PTPRE: variants seen among roughly 807,000 people sequenced by gnomAD.
PTPRE encodes the protein receptor-type tyrosine-protein phosphatase epsilon.
PTPRE carries 51 observed loss-of-function variants against 102.0 expected under a neutral mutation model. The observed-to-expected ratio is 0.50, with a 90% CI of 0.40 to 0.63. The LOEUF is 0.63. PTPRE is among the 30% of genes least tolerant of loss of function. The pLI, the probability that PTPRE is intolerant of heterozygous loss-of-function variation, is 0.00. For missense variants in PTPRE, 752 were observed against 915.1 expected, an observed-to-expected ratio of 0.82 and a Z score of 2.30; for synonymous variants, 345 against 348.2, an observed-to-expected ratio of 0.99 and a Z score of 0.10.
chr10:127,907,319 C>G lies in PTPRE; in HGVS notation c.-31+10C>G, dbSNP rs1845542483. The stretch of plus-strand genomic sequence containing the variant: ...GACCGGCCCCCCCGAGGTGAGCGCG[C>G]GTGCGGACAGGGACCCTGCGCCCCT... On this transcript the variant is annotated intron_variant, in intron 1 of 20. Coordinates refer to ENST00000254667, the MANE Select transcript of PTPRE (RefSeq NM_006504.6). This position sits in a 1 kb window ranked among gnomAD's most constrained non-coding sequence, Gnocchi z 4.8. 6 of 984,574 alleles carry G rather than the reference C, an allele frequency of 6.1e-6. No individual in the cohort carries two copies. The highest frequency in any genetic ancestry group is 7.2e-6 in the Non-Finnish European group (6 of 829,718). 61.0% of individuals were successfully genotyped at this position (984,574 alleles called of 1,614,324 possible). A position where few individuals can be genotyped will look rare whatever the true frequency, so the allele number is the denominator to read the frequency against.
At chr10:127,910,856 C>T (rs1356709042) in intron 1 of PTPRE, among the ~76,000 whole-genome samples, 3 of 152,004 alleles carry the variant, frequency 2.0e-5, no homozygotes, top group African/African-American at 4.8e-5. Context: ...GGCTGAAGCA[C>T]GCAGATCACT....
intron 2 of PTPRE, among the ~76,000 whole-genome samples, chr10:128,031,373 G>A (rs1055141616): frequency 8.5e-5 from 13 of 152,216 alleles, no homozygotes; most frequent in African/African-American, 2.2e-4. Flanking sequence ...CCTCAGCTCC[G>A]GGTGCCCTCT....
At chr10:128,063,029 C>A (rs1484109153) in intron 9 of PTPRE, 54 bp from the exon 10 acceptor site, 1 of 1,607,920 alleles carries the variant, frequency 6.2e-7, no homozygotes, top group Non-Finnish European at 8.5e-7. Context: ...GGCTGGGACC[C>A]CAAAGGGACT....
At chr10:128,017,766 G>A (rs374250535) in intron 2 of PTPRE, among the ~76,000 whole-genome samples, 14 of 152,270 alleles carry the variant, frequency 9.2e-5, no homozygotes, top group Admixed American at 3.3e-4. Flanking sequence ...TTTTGGAGGC[G>A]CAGAGGCTTT....
intron 1 of PTPRE, among the ~76,000 whole-genome samples, chr10:127,943,241 A>G (rs12414866): frequency 0.15 from 23,088 of 152,094 alleles, 1,893 homozygotes; most frequent in East Asian, 0.27. Flanking sequence ...TCACAGTGGT[A>G]TTTGTTCATC....
At chr10:127,949,767 G>A (rs530561622) in intron 1 of PTPRE, among the ~76,000 whole-genome samples, 12 of 152,226 alleles carry the variant, frequency 7.9e-5, no homozygotes, top group African/African-American at 2.9e-4. Context: ...TCAAACACAA[G>A]CCTTTGTCCC....
At chr10:128,046,015 A>C (rs1292454638) in intron 3 of PTPRE, among the ~76,000 whole-genome samples, 1 of 152,122 alleles carries the variant, frequency 6.6e-6, no homozygotes, top group Non-Finnish European at 1.5e-5. Context: ...GGCTGGGGCC[A>C]CCTCCGCATC....
chr10:128,014,735 C>T (rs1172956359), intron 2 of PTPRE, among the ~76,000 whole-genome samples: 1 of 152,142 alleles, frequency 6.6e-6, no homozygotes, highest in Non-Finnish European at 1.5e-5. Flanking sequence ...CCCAGCTTCA[C>T]CTTGGCTTGT....
chr10:128,051,119 G>T (rs1848531905), intron 6 of PTPRE, among the ~76,000 whole-genome samples: 1 of 152,194 alleles, frequency 6.6e-6, no homozygotes. Flanking sequence ...CAAGTTTTCA[G>T]CTAGCAGATC....
intron 2 of PTPRE, among the ~76,000 whole-genome samples, chr10:128,013,337 G>A (rs755202431): frequency 8.5e-5 from 13 of 152,160 alleles, no homozygotes; most frequent in Non-Finnish European, 7.4e-5. Context: ...CAATGTGTGC[G>A]GTCAAAACAA....
intron 17 of PTPRE, among the ~76,000 whole-genome samples, chr10:128,074,140 T>G (rs1851025584): frequency 6.6e-6 from 1 of 152,218 alleles, no homozygotes. Context: ...GACTATGGGT[T>G]TGTCTATTCT....
rs113145759 is a variant in PTPRE at position 127,936,891 on chromosome 10, T to G, written c.-31+29582T>G. On this transcript the variant is annotated intron_variant, in intron 1 of 20. Coordinates refer to ENST00000254667, the MANE Select transcript of PTPRE (RefSeq NM_006504.6). ...AGTAGCTGAGGATTTTTAATTCTAA[T>G]TTAGTTTAAACATGGCTGTTTGTTG... Among the ~76,000 whole-genome samples, 225 of 152,252 alleles carry G rather than the reference T, an allele frequency of 1.5e-3. 2 individuals carry two copies. The highest frequency in any genetic ancestry group is 5.1e-3 in the African/African-American group (210 of 41,562).
At chr10:127,921,028 G>C (rs996091818) in intron 1 of PTPRE, among the ~76,000 whole-genome samples, 1 of 152,242 alleles carries the variant, frequency 6.6e-6, no homozygotes, top group Admixed American at 6.5e-5. Context: ...GGCTTGCCCT[G>C]TTCTGATAAT....
intron 1 of PTPRE, among the ~76,000 whole-genome samples, chr10:127,959,895 G>C (rs11018422): frequency 0.028 from 4,282 of 152,258 alleles, 227 homozygotes; most frequent in African/African-American, 0.097. Context: ...ACTGATGGGA[G>C]CTCTTACCTT....
At chr10:128,077,834 CCCCCA>C in intron 19 of PTPRE, 51 bp downstream of exon 19, 14 of 1,539,376 alleles carry the variant, frequency 9.1e-6, no homozygotes, top group Non-Finnish European at 1.2e-5. Context: ...AGGCTGCACC[CCCCCA>C]GTACCCGCAG....
intron 3 of PTPRE, among the ~76,000 whole-genome samples, chr10:128,047,061 G>A (rs1451951975): frequency 6.6e-6 from 1 of 152,196 alleles, no homozygotes; most frequent in Non-Finnish European, 1.5e-5. Flanking sequence ...GTGGACACCG[G>A]CCCCTTCACC....
chr10:127,951,900 C>T (rs147074326), intron 1 of PTPRE, among the ~76,000 whole-genome samples: 4 of 152,286 alleles, frequency 2.6e-5, no homozygotes, highest in African/African-American at 9.6e-5. Flanking sequence ...TAAGCTTAAC[C>T]AAGTGGTGAC....
chr10:128,017,523 C>T (rs1017290544), intron 2 of PTPRE, among the ~76,000 whole-genome samples: 1 of 152,050 alleles, frequency 6.6e-6, no homozygotes, highest in African/African-American at 2.4e-5. Context: ...TCCATATGCC[C>T]TCCCCACACA....
chr10:128,006,612 T>C lies in PTPRE; in HGVS notation c.-8+24316T>C, dbSNP rs59206636. ...TATTGCAAACTTCACCACGTGGAGC[T>C]GGAAGACGTCTGAGTTCAGGGATCA... On this transcript the variant is annotated intron_variant, in intron 2 of 20. Transcript: ENST00000254667. Among the ~76,000 whole-genome samples, 122 of 152,350 alleles carry C rather than the reference T, an allele frequency of 8.0e-4. 1 individual carries two copies. The highest frequency in any genetic ancestry group is 3.4e-3 in the Middle Eastern group (1 of 294).
Sources: allele counts gnomAD v4.1 joint callset (sites outside exome capture counted in the v4.1 genomes callset), GRCh38; gene constraint gnomAD v4.1.1; non-coding constraint Gnocchi (gnomAD v3.1); transcripts MANE v1.5; gene names NCBI Gene and HGNC (gene_info 2026-07-23, HGNC 2026-07-21).